Variants in POLR1E observed in about 807,000 individuals in gnomAD.
POLR1E encodes the protein DNA-directed RNA polymerase I subunit RPA49.
POLR1E carries 37 observed loss-of-function variants against 50.9 expected under a neutral mutation model. The observed-to-expected ratio is 0.73, with a 90% CI of 0.56 to 0.96. The LOEUF (loss-of-function observed/expected upper bound fraction) is 0.96, where lower values mean the gene tolerates loss of function less well. Ranked by LOEUF, POLR1E falls within the 40% of genes least tolerant of loss-of-function variation. The pLI, the probability that POLR1E is intolerant of heterozygous loss-of-function variation, is 0.00. For synonymous variants in POLR1E, 166 were observed against 191.6 expected (o/e 0.87, Z 1.10); for missense variants, 426 against 518.1 (o/e 0.82, Z 1.73).
chr9:37,488,819 A>G (rs1459356157), intron 3 of POLR1E, among the ~76,000 whole-genome samples: 1 of 150,462 alleles, frequency 6.6e-6, no homozygotes, highest in Non-Finnish European at 1.5e-5. Flanking sequence ...ATCCCATCCT[A>G]TCCTTTCCTA....
rs766608990 is a variant in POLR1E, at chr9:37,492,653, A to G, written c.344-4A>G. ...TTTCTCTCTGTTTTTGTGTGTTTTGATAGATGTATCAGTTGAGAGTGAACT... is the reference window on the plus strand; with the variant it reads ...TTTCTCTCTGTTTTTGTGTGTTTTGGTAGATGTATCAGTTGAGAGTGAACT... On this transcript the variant is annotated splice_region_variant and splice_polypyrimidine_tract_variant and intron_variant, in intron 4 of 11. Coordinates refer to ENST00000377798, the MANE Select transcript of POLR1E (RefSeq NM_022490.4). 7.4e-6 allele frequency: 12 copies of G among 1,613,736 alleles called. No individual in the cohort carries two copies. The highest frequency in any genetic ancestry group is 9.3e-6 in the Non-Finnish European group (11 of 1,179,746).
chr9:37,489,036 C>T (rs190675385), intron 3 of POLR1E, among the ~76,000 whole-genome samples: 48 of 152,080 alleles, frequency 3.2e-4, no homozygotes, highest in African/African-American at 9.6e-4. Context: ...GTCAGGAGTT[C>T]GAGACCAGCC....
chr9:37,498,441 C>T (rs923427945), intron 9 of POLR1E, among the ~76,000 whole-genome samples: 1 of 152,158 alleles, frequency 6.6e-6, no homozygotes, highest in Non-Finnish European at 1.5e-5. Flanking sequence ...AAATTGGGGC[C>T]ACGTTGGATT....
At chr9:37,489,623 G>C (rs1820645063) in intron 4 of POLR1E, among the ~76,000 whole-genome samples, 1 of 152,068 alleles carries the variant, frequency 6.6e-6, no homozygotes. Context: ...ACCCAGGCTA[G>C]AGTGCAGTGG....
intron 6 of POLR1E, among the ~76,000 whole-genome samples, chr9:37,494,091 A>T (rs1820743678): frequency 2.0e-5 from 3 of 152,220 alleles, no homozygotes; most frequent in Admixed American, 2.0e-4. Context: ...TCACTTTGGG[A>T]TCAGTGGCTC....
In POLR1E at chr9:37,501,920, G is replaced by C. The variant is rs1564326680; in HGVS notation, c.1100+76G>C. 3.4e-6 allele frequency: 5 copies of C among 1,468,982 alleles called. No individual in the cohort carries two copies. In the South Asian group the frequency reaches 6.4e-5, roughly 19 times the overall value. 91.0% of individuals were successfully genotyped at this position (1,468,982 alleles called of 1,614,324 possible). ...TTCTGGTACCACTGGAAAGCATGAG[G>C]CACCACCAAGGGAACTGAGGATGTT... On this transcript the variant is annotated intron_variant, in intron 11 of 11. Transcript: ENST00000377798.
At chr9:37,499,260 T>C (rs1054334626) in intron 9 of POLR1E, among the ~76,000 whole-genome samples, 1 of 152,222 alleles carries the variant, frequency 6.6e-6, no homozygotes, top group South Asian at 2.1e-4. Context: ...AGACACTGTC[T>C]CTACACAAAA....
chr9:37,494,103 G>T (rs1820743868), intron 6 of POLR1E, among the ~76,000 whole-genome samples: 1 of 152,188 alleles, frequency 6.6e-6, no homozygotes, highest in South Asian at 2.1e-4. Flanking sequence ...CAGTGGCTCT[G>T]TTTCCGGTAT....
At chr9:37,496,407 A>G (rs554431368) in intron 8 of POLR1E, among the ~76,000 whole-genome samples, 11 of 152,180 alleles carry the variant, frequency 7.2e-5, no homozygotes, top group African/African-American at 2.2e-4. Context: ...AAAATATTGT[A>G]TATTTTAAAT....
chr9:37,489,587 T>A (rs553495859), intron 4 of POLR1E, among the ~76,000 whole-genome samples, 187 bp downstream of exon 4: 1 of 152,312 alleles, frequency 6.6e-6, no homozygotes, highest in South Asian at 2.1e-4. Flanking sequence ...TTTTTTGTTT[T>A]TTTTGAGATG....
At chr9:37,486,217 C>T (rs900466372) in intron 1 of POLR1E, 94 bp downstream of exon 1, 2 of 1,437,334 alleles carry the variant, frequency 1.4e-6, no homozygotes, top group East Asian at 2.5e-5. Context: ...TGGGCTTCTC[C>T]CCAGCGGGGC....
At chr9:37,490,530 C>T in intron 4 of POLR1E, 1 of 761,400 alleles carries the variant, frequency 1.3e-6, no homozygotes, top group South Asian at 1.4e-5. Context: ...CAGTTGAACC[C>T]AGGTACCTTT....
rs1158797857 is a variant in POLR1E at position 37,495,881 on chromosome 9, T to C, written c.656-9T>C. On this transcript the variant is annotated splice_polypyrimidine_tract_variant and intron_variant, in intron 7 of 11. Coordinates refer to ENST00000377798, the MANE Select transcript of POLR1E (RefSeq NM_022490.4). The stretch of plus-strand genomic sequence containing the variant: ...TTTTGGTTGGATTATATTCTTGACC[T>C]GTAACTAGTTCTTTCCCCTGCGGAG... The C allele has an allele frequency of 2.5e-6, 4 of 1,601,414 alleles. No homozygotes were observed. The highest frequency in any genetic ancestry group is 1.1e-5 in the South Asian group (1 of 90,814).
Position 37,503,381 on chromosome 9 carries a change from A to G in POLR1E, c.*179A>G, listed in dbSNP as rs1277377907. On this transcript the variant is annotated 3_prime_UTR_variant, in exon 12 of 12. Transcript: ENST00000377798. ...TCATTGAGCTCAGGAGTTTGAAACC[A>G]GTCTGGACAACATAGGGAGACCCCA... 3.0e-6 allele frequency: 2 copies of G among 676,726 alleles called. No homozygotes were observed. Among genetic ancestry groups the G allele is most frequent in the Non-Finnish European group, 4.6e-6 (2 of 439,176 alleles). The allele number at this position is 676,726 out of a possible 1,614,324, so 41.9% of individuals were successfully genotyped here. A position where few individuals can be genotyped will look rare whatever the true frequency, so the allele number is the denominator to read the frequency against.
At chr9:37,498,979 C>T (rs10973381) in intron 9 of POLR1E, among the ~76,000 whole-genome samples, 32,776 of 152,126 alleles carry the variant, frequency 0.22, 3,697 homozygotes, top group East Asian at 0.26. Context: ...TAGCCTACTA[C>T]ACACCTAGGC....
chr9:37,494,710 G>A (rs748451086), intron 6 of POLR1E, among the ~76,000 whole-genome samples: 1 of 152,164 alleles, frequency 6.6e-6, no homozygotes, highest in Non-Finnish European at 1.5e-5. Context: ...AAATGTTGAG[G>A]TTACAGGTGT....
At chr9:37,502,982 A>C in intron 11 of POLR1E, 61 bp from the exon 12 acceptor site, 1 of 1,485,696 alleles carries the variant, frequency 6.7e-7, no homozygotes, top group Non-Finnish European at 9.0e-7. Context: ...CCTTTTGCCA[A>C]ACCTCCCTGA....
intron 2 of POLR1E, among the ~76,000 whole-genome samples, chr9:37,487,108 C>T (rs4345649): frequency 0.15 from 22,500 of 152,208 alleles, 2,124 homozygotes; most frequent in African/African-American, 0.27. Flanking sequence ...GTTTCTCAAC[C>T]TCAGGACTAT....
chr9:37,502,354 G>T (rs1374817919), intron 11 of POLR1E, among the ~76,000 whole-genome samples: 1 of 152,208 alleles, frequency 6.6e-6, no homozygotes. Flanking sequence ...CAGGGGAACC[G>T]CTGGTTCCAA....
Sources: allele counts gnomAD v4.1 joint callset (sites outside exome capture counted in the v4.1 genomes callset), GRCh38; gene constraint gnomAD v4.1.1; transcripts MANE v1.5; gene names NCBI Gene and HGNC (gene_info 2026-07-23, HGNC 2026-07-21).